The following MDGA2 variants were observed in gnomAD, a reference collection of about 807,000 sequenced individuals.
MDGA2 encodes the protein MAM domain-containing glycosylphosphatidylinositol anchor protein 2.
Under a neutral mutation model 117.8 loss-of-function variants are expected in MDGA2, and 40 were observed. The ratio of observed to expected loss-of-function variants is 0.34; its 90% CI spans 0.26 to 0.44. The LOEUF (loss-of-function observed/expected upper bound fraction) is 0.44. Ranked by LOEUF, MDGA2 falls within the 20% of genes least tolerant of loss-of-function variation. MDGA2 has a pLI of 1.00. For missense variants in MDGA2, 1,123 were observed against 1,250.6 expected (o/e 0.90, Z 1.54); for synonymous variants, 452 against 439.0 (o/e 1.03, Z -0.37).
intron 5 of MDGA2, among the ~76,000 whole-genome samples, chr14:47,119,218 A>G (rs1372911109): frequency 1.2e-5 from 1 of 83,140 alleles, no homozygotes; most frequent in East Asian, 3.8e-4. Flanking sequence ...GGCACCCGCC[A>G]CCACACCCGG....
At position 47,131,507 on chromosome 14, in the gene MDGA2, C is replaced by T. The variant is rs528679509; in HGVS notation, c.925+207G>A. On this transcript the variant is annotated intron_variant, in intron 5 of 16. Transcript: ENST00000399232. ...GAGCTATAATTTTGTATGTTATACA[C>T]GTAAACATATTACATGGAGTATATT... is the stretch of plus-strand genomic sequence containing the variant. 5.3e-5 allele frequency among the ~76,000 whole-genome samples: 8 copies of T among 151,978 alleles called. No homozygotes were observed. In the East Asian group the frequency reaches 5.8e-4, roughly 11 times the overall value.
chr14:47,176,420 C>T (rs975442843), intron 3 of MDGA2, among the ~76,000 whole-genome samples: 3 of 152,130 alleles, frequency 2.0e-5, no homozygotes, highest in African/African-American at 7.2e-5. Flanking sequence ...GCTACAGTAA[C>T]CAAAACAGCA....
In MDGA2 at chr14:47,376,620, C is replaced by T. The variant is rs1200904082; in HGVS notation, c.281-75070G>A. On this transcript the variant is annotated intron_variant, in intron 1 of 16. Transcript: ENST00000399232. ...TAAATACTTGCTGATTTTCTTCAAC[C>T]CCTTTGATTTTGAGTTATCGTTCTT... Among the ~76,000 whole-genome samples the T allele has an allele frequency of 3.3e-5, 5 of 152,154 alleles. No individual in the cohort carries two copies. In the South Asian group the frequency reaches 1.0e-3, roughly 32 times the overall value.
At chr14:47,318,861 A>T (rs1226139128) in intron 1 of MDGA2, among the ~76,000 whole-genome samples, 1 of 152,098 alleles carries the variant, frequency 6.6e-6, no homozygotes, top group Non-Finnish European at 1.5e-5. Flanking sequence ...ATTCTTGAAT[A>T]TGTGCAAACA....
chr14:47,374,852 G>T (rs540880487), intron 1 of MDGA2, among the ~76,000 whole-genome samples: 1 of 152,062 alleles, frequency 6.6e-6, no homozygotes, highest in South Asian at 2.1e-4. Flanking sequence ...GATGTTAAGA[G>T]AGTTTAAATA....
chr14:47,340,744 T>C (rs1348382634), intron 1 of MDGA2, among the ~76,000 whole-genome samples: 2 of 152,170 alleles, frequency 1.3e-5, no homozygotes, highest in Non-Finnish European at 2.9e-5. Context: ...GTTCCTCTTT[T>C]CTCATAAATC....
chr14:47,429,060 A>G (rs918774981), intron 1 of MDGA2, among the ~76,000 whole-genome samples: 4 of 152,028 alleles, frequency 2.6e-5, no homozygotes, highest in Non-Finnish European at 5.9e-5. Context: ...CCCCGTCTCT[A>G]CTAAAAATAC....
At chr14:47,654,375 G>A (rs1412729357) in intron 1 of MDGA2, among the ~76,000 whole-genome samples, 3 of 152,002 alleles carry the variant, frequency 2.0e-5, no homozygotes, top group Non-Finnish European at 2.9e-5. Context: ...AGACAATGAA[G>A]ATGACTCTTC....
intron 6 of MDGA2, among the ~76,000 whole-genome samples, chr14:47,085,137 C>G (rs1890850758): frequency 6.6e-6 from 1 of 151,968 alleles, no homozygotes; most frequent in Non-Finnish European, 1.5e-5. Context: ...TATCAAAAGT[C>G]TTGCGATACA....
At position 46,863,645 on chromosome 14, in the gene MDGA2, T is replaced by C. The variant is rs541732503; in HGVS notation, c.2753-8491A>G. ...TTAATTATACTGAAAATTAGACTTATATGGTTTGAAGTAGCAGCCTTTCTC... is the reference window on the plus strand; with the variant it reads ...TTAATTATACTGAAAATTAGACTTACATGGTTTGAAGTAGCAGCCTTTCTC... On this transcript the variant is annotated intron_variant, in intron 14 of 16. Transcript: ENST00000399232. 3.9e-5 allele frequency among the ~76,000 whole-genome samples: 6 copies of C among 152,306 alleles called. No individual in the cohort carries two copies. In the South Asian group the frequency reaches 1.0e-3, roughly 26 times the overall value.
At chr14:46,893,688 T>C (rs1412661456) in intron 10 of MDGA2, among the ~76,000 whole-genome samples, 1 of 152,036 alleles carries the variant, frequency 6.6e-6, no homozygotes, top group Admixed American at 6.6e-5. Flanking sequence ...GTATTCACAT[T>C]TTAATACTAC....
intron 15 of MDGA2, among the ~76,000 whole-genome samples, chr14:46,847,880 G>C (rs1880903587): frequency 6.6e-6 from 1 of 151,952 alleles, no homozygotes; most frequent in East Asian, 1.9e-4. Flanking sequence ...CTACCTGTGA[G>C]AAAATATTTT....
intron 1 of MDGA2, among the ~76,000 whole-genome samples, chr14:47,469,385 A>G (rs143415338): frequency 0.089 from 13,568 of 152,082 alleles, 661 homozygotes; most frequent in Middle Eastern, 0.11. Context: ...GTTCCCACCT[A>G]TGAGTGAGAA....
intron 15 of MDGA2, among the ~76,000 whole-genome samples, chr14:46,851,024 T>G (rs530550871): frequency 3.2e-4 from 48 of 152,014 alleles, no homozygotes; most frequent in Non-Finnish European, 6.9e-4. Context: ...ATTATTATTC[T>G]TAGTTGGAAC....
At chr14:47,164,425 T>A (rs1415743069) in intron 3 of MDGA2, among the ~76,000 whole-genome samples, 9 of 151,914 alleles carry the variant, frequency 5.9e-5, no homozygotes, top group Admixed American at 5.9e-4. Flanking sequence ...AACAACCCCA[T>A]CAACAGGTGG....
intron 1 of MDGA2, among the ~76,000 whole-genome samples, chr14:47,508,334 T>C (rs1019991919): frequency 2.6e-4 from 38 of 148,930 alleles, no homozygotes; most frequent in African/African-American, 8.7e-4. Flanking sequence ...AGCCACATAT[T>C]TCCTAATTTG....
chr14:47,016,754 G>A (rs1232089177), intron 8 of MDGA2, among the ~76,000 whole-genome samples: 3 of 151,836 alleles, frequency 2.0e-5, no homozygotes, highest in Admixed American at 1.3e-4. Flanking sequence ...ATTATTTATT[G>A]TAAATATATA....
intron 1 of MDGA2, among the ~76,000 whole-genome samples, chr14:47,473,574 T>C (rs1244262027): frequency 1.3e-5 from 2 of 151,776 alleles, no homozygotes; most frequent in Non-Finnish European, 2.9e-5. Flanking sequence ...TGAAGAAAAT[T>C]GAAAAGCAAA....
At chr14:47,342,641 C>G (rs1022354558) in intron 1 of MDGA2, among the ~76,000 whole-genome samples, 3 of 152,072 alleles carry the variant, frequency 2.0e-5, no homozygotes, top group Admixed American at 2.0e-4. Context: ...AATTCCAGCA[C>G]AGCATAGAAA....
Sources: allele counts gnomAD v4.1 joint callset (sites outside exome capture counted in the v4.1 genomes callset), GRCh38; gene constraint gnomAD v4.1.1; transcripts MANE v1.5; gene names NCBI Gene and HGNC (gene_info 2026-07-23, HGNC 2026-07-21).